The following ENTPD1 variants were observed in gnomAD, a reference collection of about 807,000 sequenced individuals.
ENTPD1 encodes ATP diphosphohydrolase.
A neutral mutation model predicts 57.0 loss-of-function variants in ENTPD1; 33 were observed. The ratio of observed to expected loss-of-function variants is 0.58; its 90% CI spans 0.44 to 0.77. ENTPD1 has a LOEUF of 0.77. ENTPD1 is among the 30% of genes least tolerant of loss of function. ENTPD1 has a pLI of 0.00. For synonymous variants in ENTPD1, 202 were observed against 218.8 expected (o/e 0.92, Z 0.68); for missense variants, 501 against 603.4 (o/e 0.83, Z 1.78).
rs1444435576 is a variant in ENTPD1, at chr10:95,795,260, T to A, written c.17-27977T>A. Among the ~76,000 whole-genome samples the A allele has an allele frequency of 2.0e-5, 3 of 152,000 alleles. No individual in the cohort carries two copies. The East Asian group carries it at 5.8e-4, about 29-fold the overall frequency. The stretch of plus-strand genomic sequence containing the variant: ...CAGGGACATTTGCTGAGTTAGTGAG[T>A]TGCTTGGATATAAAGGGTGAGGGTG... On this transcript the variant is annotated intron_variant, in intron 1 of 9. Transcript: ENST00000371205.
In ENTPD1 at chr10:95,872,694, G is replaced by C. The variant is rs1001522801; in HGVS notation, c.*6311G>C. 5.6e-5 allele frequency: 55 copies of C among 985,262 alleles called. No individual in the cohort carries two copies. Among genetic ancestry groups the C allele is most frequent in the African/African-American group, 5.2e-5 (3 of 57,208 alleles). 61.0% of individuals were successfully genotyped at this position (985,262 alleles called of 1,614,324 possible). A position where few individuals can be genotyped will look rare whatever the true frequency, so the allele number is the denominator to read the frequency against. Reference sequence around the variant, plus strand: ...ATATTATCACGGACCTAAGGTAATAGTTCTAGCCAACCTCCCTGTCCACTG... The same window carrying C: ...ATATTATCACGGACCTAAGGTAATACTTCTAGCCAACCTCCCTGTCCACTG... On this transcript the variant is annotated 3_prime_UTR_variant, in exon 10 of 10. Transcript: ENST00000371205.
intron 1 of ENTPD1, among the ~76,000 whole-genome samples, chr10:95,713,033 TAAAAAAA>T (rs1555272407): frequency 7.0e-5 from 10 of 143,052 alleles, no homozygotes; most frequent in African/African-American, 2.6e-4. Context: ...GATTCTGTCT[TAAAAAAA>T]AAAAAAAAAA....
chr10:95,851,994 G>C, intron 7 of ENTPD1, among the ~76,000 whole-genome samples: 2 of 151,990 alleles, frequency 1.3e-5, no homozygotes, highest in Non-Finnish European at 2.9e-5. Context: ...AGATCCTTGA[G>C]GAATCGCCAC....
chr10:95,845,649 C>G, intron 6 of ENTPD1, 53 bp downstream of exon 6: 1 of 1,614,128 alleles, frequency 6.2e-7, no homozygotes, highest in South Asian at 1.1e-5. Context: ...CCTCCAGCCC[C>G]CACATCCTGT....
In ENTPD1 at chr10:95,875,074, C is replaced by G. The variant is rs1394943789; in HGVS notation, c.*8691C>G. 6.6e-6 allele frequency: 1 copy of G among 152,184 alleles called. No homozygotes were observed. Among genetic ancestry groups the G allele is most frequent in the Non-Finnish European group, 1.5e-5 (1 of 68,040 alleles). 9.4% of individuals were successfully genotyped at this position (152,184 alleles called of 1,614,324 possible). A position where few individuals can be genotyped will look rare whatever the true frequency, so the allele number is the denominator to read the frequency against. ...GACCTGGAGACATTTTCCCCATGGT[C>G]TTGGGGATTAACATTAGGCTCCTTG... On this transcript the variant is annotated 3_prime_UTR_variant, in exon 10 of 10. Coordinates refer to ENST00000371205, the MANE Select transcript of ENTPD1 (RefSeq NM_001776.6).
chr10:95,700,426 T>C, the ENTPD1 span, among the ~76,000 whole-genome samples: 1 of 152,108 alleles, frequency 6.6e-6, no homozygotes, highest in African/African-American at 2.4e-5. Context: ...CTCAGCACTT[T>C]GAGAGGCTGA....
chr10:95,739,729 G>A (rs983480453), intron 1 of ENTPD1, among the ~76,000 whole-genome samples: 1 of 152,034 alleles, frequency 6.6e-6, no homozygotes, highest in East Asian at 1.9e-4. Context: ...CATGAATCAC[G>A]AATGTTCTTA....
intron 4 of ENTPD1, chr10:95,843,401 A>T (rs1461381827): frequency 1.3e-5 from 2 of 152,246 alleles, no homozygotes; most frequent in Non-Finnish European, 2.9e-5. Context: ...TAATAGTAGC[A>T]GCTCGTATTT....
chr10:95,737,160 G>T lies in ENTPD1; in HGVS notation c.37+25167G>T, dbSNP rs1300051663. Among the ~76,000 whole-genome samples, 7 of 152,122 alleles carry T rather than the reference G, an allele frequency of 4.6e-5. No homozygotes were observed. The South Asian group carries it at 6.2e-4, about 14-fold the overall frequency. ...TTTTCCTACTATGTGCAGGCTCTGT[G>T]TACAGTCTACTATTCAGTGCAGGAC... On this transcript the variant is annotated intron_variant, in intron 1 of 9. Coordinates refer to the ENTPD1 transcript ENST00000453258.
intron 1 of ENTPD1, among the ~76,000 whole-genome samples, chr10:95,724,235 A>T (rs1338655249): frequency 2.0e-5 from 3 of 150,882 alleles, no homozygotes; most frequent in Admixed American, 1.3e-4. Flanking sequence ...CAGCGGCCAC[A>T]CTAATCGTTT....
chr10:95,708,127 A>G (rs1257709858), upstream of ENTPD1, among the ~76,000 whole-genome samples: 5 of 152,186 alleles, frequency 3.3e-5, no homozygotes, highest in African/African-American at 1.2e-4. Context: ...TTGGAGGGCC[A>G]TAGGTCAGTA....
At position 95,875,716 on chromosome 10, in the gene ENTPD1, G is replaced by A; in HGVS notation, c.*9333G>A. ...GGACTTATAGTTCCACCTGGCTGGG[G>A]AGGCCTCAGAATCATGGCAGGAGGT... is the stretch of plus-strand genomic sequence containing the variant. On this transcript the variant is annotated 3_prime_UTR_variant, in exon 10 of 10. Transcript: ENST00000371205. The A allele has an allele frequency of 6.0e-6, 1 of 166,290 alleles. No individual in the cohort carries two copies. The highest frequency in any genetic ancestry group is 1.3e-5 in the Non-Finnish European group (1 of 78,028). 10.3% of individuals were successfully genotyped at this position (166,290 alleles called of 1,614,324 possible).
intron 7 of ENTPD1, among the ~76,000 whole-genome samples, chr10:95,855,403 G>A (rs1372373369): frequency 1.3e-5 from 2 of 151,770 alleles, no homozygotes; most frequent in Non-Finnish European, 1.5e-5. Flanking sequence ...TTGCCAGTCT[G>A]TGTCTTTTAA....
At chr10:95,711,896 C>G in exon 1 of ENTPD1, 1 of 1,611,510 alleles carries the variant, frequency 6.2e-7, no homozygotes, top group Non-Finnish European at 8.5e-7. Context: ...TTTCCTTGGC[C>G]CCTCCAGTTT....
chr10:95,712,336 C>T (rs1395620323), intron 1 of ENTPD1, among the ~76,000 whole-genome samples: 1 of 152,158 alleles, frequency 6.6e-6, no homozygotes, highest in Admixed American at 6.5e-5. Flanking sequence ...TCTGACTAGA[C>T]CTGTGTCTAT....
At chr10:95,847,769 C>T (rs1400631719) in intron 7 of ENTPD1, 63 bp downstream of exon 7, 1 of 1,608,084 alleles carries the variant, frequency 6.2e-7, no homozygotes, top group Non-Finnish European at 8.5e-7. Flanking sequence ...TATGTGCCTA[C>T]AAAAGATTTA....
At chr10:95,851,603 C>T (rs1414179850) in intron 7 of ENTPD1, among the ~76,000 whole-genome samples, 27 of 134,804 alleles carry the variant, frequency 2.0e-4, no homozygotes, top group Non-Finnish European at 1.3e-4. Context: ...CGACAGTCCC[C>T]GGTGTGTGAT....
intron 1 of ENTPD1, among the ~76,000 whole-genome samples, chr10:95,767,350 G>C (rs1156792004): frequency 6.7e-6 from 1 of 148,798 alleles, no homozygotes; most frequent in Non-Finnish European, 1.5e-5. Context: ...AAAAAGGAAA[G>C]CAAAACATTC....
At chr10:95,787,465 G>A (rs1186869236) in intron 1 of ENTPD1, among the ~76,000 whole-genome samples, 1 of 152,174 alleles carries the variant, frequency 6.6e-6, no homozygotes, top group Non-Finnish European at 1.5e-5. Flanking sequence ...GATAGTATTT[G>A]GCTGTATGAA....
Sources: gnomAD v4.1 joint callset for allele counts (sites outside exome capture counted in the v4.1 genomes callset) on GRCh38, gnomAD v4.1.1 for gene constraint, MANE v1.5 for transcripts, NCBI Gene and HGNC (gene_info 2026-07-23, HGNC 2026-07-21) for gene names.